Variants in PMS1 observed in about 807,000 individuals in gnomAD.
The protein encoded by PMS1 is PMS1 homolog 1, mismatch repair system component, also known as PMS1 protein homolog 1.
Under a neutral mutation model 93.1 loss-of-function variants are expected in PMS1, and 79 were observed. That is an observed-to-expected ratio of 0.85 (90% confidence interval 0.71 to 1.02). The LOEUF (loss-of-function observed/expected upper bound fraction) is 1.02. Ranked by LOEUF, PMS1 falls within the 50% of genes least tolerant of loss-of-function variation. PMS1 has a pLI of 0.00. For synonymous variants in PMS1, 335 were observed against 363.4 expected, an observed-to-expected ratio of 0.92 and a Z score of 0.89; for missense variants, 1,064 against 1,085.3, an observed-to-expected ratio of 0.98 and a Z score of 0.28.
At chr2:189,839,845 C>T (rs1298215433) in intron 5 of PMS1, among the ~76,000 whole-genome samples, 1 of 152,082 alleles carries the variant, frequency 6.6e-6, no homozygotes, top group Non-Finnish European at 1.5e-5. Flanking sequence ...GTTGAACAAA[C>T]TCAAAATTAG....
At chr2:189,794,426 T>C (rs1214611859) in intron 2 of PMS1, among the ~76,000 whole-genome samples, 1 of 152,236 alleles carries the variant, frequency 6.6e-6, no homozygotes, top group Non-Finnish European at 1.5e-5. Flanking sequence ...AACTGAATTT[T>C]AGATTGAGAG....
intron 10 of PMS1, among the ~76,000 whole-genome samples, 196 bp from the exon 11 acceptor site, chr2:189,867,599 TTCTG>T (rs2056774059): frequency 6.6e-6 from 1 of 152,196 alleles, no homozygotes; most frequent in African/African-American, 2.4e-5. Flanking sequence ...ATTATCTTCT[TTCTG>T]TATACTGTGT....
At chr2:189,877,115 C>G (rs1053355853) in intron 12 of PMS1, among the ~76,000 whole-genome samples, 157 bp from the exon 13 acceptor site, 1 of 152,136 alleles carries the variant, frequency 6.6e-6, no homozygotes, top group Non-Finnish European at 1.5e-5. Flanking sequence ...ACCACTACAT[C>G]CCGAGAGCTG....
chr2:189,852,833 C>G (rs2106451153), intron 7 of PMS1, 56 bp downstream of exon 7: 3 of 1,105,402 alleles, frequency 2.7e-6, no homozygotes, highest in Non-Finnish European at 4.2e-6. Context: ...CACATTGTAA[C>G]AAGGACTGCT....
intron 3 of PMS1, among the ~76,000 whole-genome samples, chr2:189,799,060 T>C (rs750057640): frequency 4.3e-4 from 66 of 152,322 alleles, no homozygotes; most frequent in Middle Eastern, 3.4e-3. Flanking sequence ...CTTGTTTCCT[T>C]ATTTGATTAC....
chr2:189,823,556 A>G (rs1454968254), intron 5 of PMS1, among the ~76,000 whole-genome samples: 1 of 151,746 alleles, frequency 6.6e-6, no homozygotes, highest in Non-Finnish European at 1.5e-5. Context: ...CTTGCATTGT[A>G]TTTTTCCAAA....
intron 11 of PMS1, among the ~76,000 whole-genome samples, chr2:189,868,542 C>G (rs984453486): frequency 6.6e-6 from 1 of 152,218 alleles, no homozygotes; most frequent in Non-Finnish European, 1.5e-5. Context: ...CAACTGCCTT[C>G]TGCCCTATCT....
At chr2:189,871,678 G>C (rs538356222) in intron 11 of PMS1, among the ~76,000 whole-genome samples, 5 of 152,240 alleles carry the variant, frequency 3.3e-5, no homozygotes, top group Non-Finnish European at 7.4e-5. Context: ...CTCTTACCCA[G>C]CTCCAAAACC....
chr2:189,817,008 A>G (rs1222562702), intron 4 of PMS1, among the ~76,000 whole-genome samples: 1 of 152,228 alleles, frequency 6.6e-6, no homozygotes, highest in Non-Finnish European at 1.5e-5. Context: ...ATACTAAATC[A>G]GTGGTTCTCA....
intron 4 of PMS1, among the ~76,000 whole-genome samples, chr2:189,815,622 A>G (rs1254387999): frequency 1.3e-5 from 2 of 152,152 alleles, no homozygotes; most frequent in East Asian, 1.9e-4. Context: ...AGCCATGTGG[A>G]ACTGTGAGTC....
intron 3 of PMS1, among the ~76,000 whole-genome samples, chr2:189,796,457 T>C (rs1036831681): frequency 3.3e-5 from 5 of 152,210 alleles, no homozygotes; most frequent in Non-Finnish European, 5.9e-5. Context: ...CACATTGTCG[T>C]GTATCTATAA....
At position 189,843,176 on chromosome 2, in the gene PMS1, C is replaced by T. The variant is rs186834971; in HGVS notation, c.583-788C>T. Among the ~76,000 whole-genome samples, 10 of 151,978 alleles carry T rather than the reference C, an allele frequency of 6.6e-5. 1 individual carries two copies. In the East Asian group the frequency reaches 1.6e-3, roughly 24 times the overall value. ...GGGATTATAGGGGCATGCCACCACA[C>T]ACAGCTGATTTTTGTATTTTTAGTA... On this transcript the variant is annotated intron_variant, in intron 5 of 12. Coordinates refer to ENST00000441310, the MANE Select transcript of PMS1 (RefSeq NM_000534.5).
intron 4 of PMS1, among the ~76,000 whole-genome samples, chr2:189,812,568 A>C (rs906196551): frequency 6.6e-6 from 1 of 152,228 alleles, no homozygotes; most frequent in Non-Finnish European, 1.5e-5. Context: ...TTTTACAAAA[A>C]CAAAATCAGT....
chr2:189,822,509 T>G (rs546323898), intron 5 of PMS1, among the ~76,000 whole-genome samples: 1 of 152,268 alleles, frequency 6.6e-6, no homozygotes, highest in Admixed American at 6.5e-5. Flanking sequence ...CTGAACAGTT[T>G]ATGAAATCTT....
At chr2:189,833,395 A>G (rs966149271) in intron 5 of PMS1, among the ~76,000 whole-genome samples, 8 of 152,180 alleles carry the variant, frequency 5.3e-5, no homozygotes, top group Non-Finnish European at 2.9e-5. Context: ...CATCCTGGCC[A>G]ACATGGTGAA....
At chr2:189,809,447 C>CTTTTTTT (rs972672920) in intron 4 of PMS1, among the ~76,000 whole-genome samples, 882 of 63,358 alleles carry the variant, frequency 0.014, 66 homozygotes, top group Non-Finnish European at 0.021. Flanking sequence ...AAGCACATTT[C>CTTTTTTT]TTTTTTTTTT....
chr2:189,842,580 G>T (rs1194518554), intron 5 of PMS1, among the ~76,000 whole-genome samples: 1 of 152,188 alleles, frequency 6.6e-6, no homozygotes, highest in Non-Finnish European at 1.5e-5. Context: ...CTAAAAGGAA[G>T]AAGCTGAGGC....
intron 2 of PMS1, among the ~76,000 whole-genome samples, chr2:189,794,194 C>G (rs958259104): frequency 6.6e-6 from 1 of 152,184 alleles, no homozygotes; most frequent in Non-Finnish European, 1.5e-5. Flanking sequence ...CTCACTGTAA[C>G]CTCCGTCTCC....
chr2:189,854,103 T>A, intron 8 of PMS1, 21 bp downstream of exon 8: 1 of 1,536,542 alleles, frequency 6.5e-7, no homozygotes, highest in Non-Finnish European at 8.9e-7. Flanking sequence ...TCAGATAATT[T>A]TTTCTTATGC....
Sources: allele counts gnomAD v4.1 joint callset (sites outside exome capture counted in the v4.1 genomes callset), GRCh38; gene constraint gnomAD v4.1.1; transcripts MANE v1.5; gene names NCBI Gene and HGNC (gene_info 2026-07-23, HGNC 2026-07-21).